The following LRRTM4 variants were observed in gnomAD, a reference collection of about 807,000 sequenced individuals.
LRRTM4 encodes leucine-rich repeat transmembrane neuronal protein 4.
A neutral mutation model predicts 47.6 loss-of-function variants in LRRTM4; 25 were observed. The ratio of observed to expected loss-of-function variants is 0.53; its 90% CI spans 0.38 to 0.73. LRRTM4 has a LOEUF of 0.73. Among genes scored for constraint, LRRTM4 ranks in the 30% least tolerant of loss-of-function variants. The pLI is 0.00. For missense variants in LRRTM4, 638 were observed against 713.4 expected (o/e 0.89, Z 1.20); for synonymous variants, 311 against 269.5 (o/e 1.15, Z -1.51).
At chr2:77,432,179 G>T (rs1340494642) in intron 3 of LRRTM4, among the ~76,000 whole-genome samples, 1 of 152,172 alleles carries the variant, frequency 6.6e-6, no homozygotes, top group Non-Finnish European at 1.5e-5. Context: ...AATAATCTTT[G>T]ACTCAACTTC....
At chr2:76,773,844 T>A (rs77694617) in intron 3 of LRRTM4, among the ~76,000 whole-genome samples, 2,712 of 151,690 alleles carry the variant, frequency 0.018, 42 homozygotes, top group Non-Finnish European at 0.023. Context: ...TTACGAATAA[T>A]GGTAGCAGAG....
chr2:77,151,311 A>G (rs1672413110), intron 3 of LRRTM4, among the ~76,000 whole-genome samples: 1 of 152,144 alleles, frequency 6.6e-6, no homozygotes, highest in African/African-American at 2.4e-5. Flanking sequence ...TCATTGAACA[A>G]TAACTCCCCA....
intron 3 of LRRTM4, among the ~76,000 whole-genome samples, chr2:77,431,710 C>T (rs1675382431): frequency 6.7e-6 from 1 of 149,004 alleles, no homozygotes; most frequent in Admixed American, 6.6e-5. Context: ...TACGTGCTTC[C>T]AAAATTTTAT....
intron 3 of LRRTM4, among the ~76,000 whole-genome samples, chr2:77,400,737 C>G (rs1011187419): frequency 1.3e-5 from 2 of 151,818 alleles, no homozygotes; most frequent in South Asian, 4.1e-4. Context: ...CCTCTTAACA[C>G]ACTGTCTTTC....
intron 3 of LRRTM4, among the ~76,000 whole-genome samples, chr2:77,006,468 T>C (rs1677653543): frequency 6.6e-6 from 1 of 152,100 alleles, no homozygotes; most frequent in Non-Finnish European, 1.5e-5. Flanking sequence ...TTTTGGTAGA[T>C]GAGGATTAGA....
intron 3 of LRRTM4, among the ~76,000 whole-genome samples, chr2:76,801,952 G>A (rs145167967): frequency 1.3e-5 from 2 of 152,166 alleles, no homozygotes; most frequent in African/African-American, 4.8e-5. Context: ...TGAGAAATTA[G>A]ATATAGAAGG....
At chr2:76,972,853 C>A (rs1489972434) in intron 3 of LRRTM4, among the ~76,000 whole-genome samples, 1 of 151,908 alleles carries the variant, frequency 6.6e-6, no homozygotes, top group African/African-American at 2.4e-5. Flanking sequence ...ATTATGTCAC[C>A]TTTCACTAAG....
intron 3 of LRRTM4, among the ~76,000 whole-genome samples, chr2:76,871,276 A>G (rs1397102695): frequency 6.6e-6 from 1 of 152,180 alleles, no homozygotes; most frequent in East Asian, 1.9e-4. Context: ...TTAATAAAAT[A>G]TTAGTATTAG....
rs376395756 is a variant in LRRTM4, at chr2:77,374,938, A to T, written c.1551+143380T>A. 3.4e-4 allele frequency among the ~76,000 whole-genome samples: 52 copies of T among 151,818 alleles called. 1 individual carries two copies. In the South Asian group the frequency reaches 0.011, roughly 31 times the overall value. On this transcript the variant is annotated intron_variant, in intron 3 of 3. Coordinates refer to ENST00000409884, the MANE Select transcript of LRRTM4 (RefSeq NM_001134745.3). ...GAAGAACCTCCTCCAGAAATTATTG[A>T]ACAATCCTACTAGTCTATCAGTCAG...
intron 3 of LRRTM4, among the ~76,000 whole-genome samples, chr2:76,790,188 C>G (rs193078505): frequency 6.6e-6 from 1 of 152,314 alleles, no homozygotes; most frequent in Admixed American, 6.5e-5. Flanking sequence ...GCCTAGTCCA[C>G]TACACTTCTG....
intron 3 of LRRTM4, among the ~76,000 whole-genome samples, chr2:77,325,483 G>A (rs1468384383): frequency 6.6e-6 from 1 of 152,168 alleles, no homozygotes; most frequent in Non-Finnish European, 1.5e-5. Flanking sequence ...AATAAAATTA[G>A]AGTGTATTGA....
At chr2:77,027,019 T>C (rs1342189870) in intron 3 of LRRTM4, among the ~76,000 whole-genome samples, 1 of 152,094 alleles carries the variant, frequency 6.6e-6, no homozygotes, top group African/African-American at 2.4e-5. Flanking sequence ...TTCCACTACA[T>C]TGGTCTTTTG....
chr2:76,961,291 A>G (rs1454798140), intron 3 of LRRTM4, among the ~76,000 whole-genome samples: 1 of 151,360 alleles, frequency 6.6e-6, no homozygotes, highest in Admixed American at 6.6e-5. Context: ...TGATTTGTCC[A>G]TATCATCGTT....
intron 3 of LRRTM4, among the ~76,000 whole-genome samples, chr2:77,209,594 T>C (rs1558634625): frequency 6.6e-6 from 1 of 152,212 alleles, no homozygotes; most frequent in African/African-American, 2.4e-5. Flanking sequence ...AATTCATTTG[T>C]TGGAACACTC....
chr2:77,272,895 A>G (rs561046391), intron 3 of LRRTM4, among the ~76,000 whole-genome samples: 1 of 152,272 alleles, frequency 6.6e-6, no homozygotes, highest in African/African-American at 2.4e-5. Context: ...TAGCAATACA[A>G]TGGACCAAGA....
chr2:77,062,239 C>A (rs976644358), intron 3 of LRRTM4, among the ~76,000 whole-genome samples: 6 of 152,106 alleles, frequency 3.9e-5, no homozygotes, highest in African/African-American at 1.4e-4. Context: ...CACAATAATT[C>A]TAAAATCTAC....
Position 77,014,503 on chromosome 2 carries a change from C to CATATATATATATATGTGTAT in LRRTM4, c.1552-265588_1552-265587insATACACATATATATATATAT, listed in dbSNP as rs773267853. Among the ~76,000 whole-genome samples, 1,155 of 139,142 alleles carry CATATATATATATATGTGTAT rather than the reference C, an allele frequency of 8.3e-3. 26 individuals are homozygous for CATATATATATATATGTGTAT. Among genetic ancestry groups the CATATATATATATATGTGTAT allele is most frequent in the African/African-American group, 0.028 (1,109 of 40,266 alleles). 91.3% of individuals were successfully genotyped at this position (139,142 alleles called of 152,430 possible). ...TGCAGAAGAAGCATTTGTGCCCTTT[C>CATATATATATATATGTGTAT]ATATATATATATATAAAGATTTTAT... On this transcript the variant is annotated intron_variant, in intron 3 of 3. Coordinates refer to ENST00000409884, the MANE Select transcript of LRRTM4 (RefSeq NM_001134745.3).
chr2:77,031,665 A>C (rs780164953), intron 3 of LRRTM4, among the ~76,000 whole-genome samples: 26 of 152,152 alleles, frequency 1.7e-4, no homozygotes, highest in Non-Finnish European at 3.2e-4. Flanking sequence ...AATGTCACCT[A>C]TGTCTGATGA....
At chr2:77,139,369 A>G (rs1304995522) in intron 3 of LRRTM4, among the ~76,000 whole-genome samples, 1 of 152,216 alleles carries the variant, frequency 6.6e-6, no homozygotes, top group African/African-American at 2.4e-5. Flanking sequence ...ACGAAAGACA[A>G]AAGCCACATG....
Sources: gnomAD v4.1 joint callset for allele counts (sites outside exome capture counted in the v4.1 genomes callset) on GRCh38, gnomAD v4.1.1 for gene constraint, MANE v1.5 for transcripts, NCBI Gene and HGNC (gene_info 2026-07-23, HGNC 2026-07-21) for gene names.